Variants in ERC1 observed in about 807,000 individuals in gnomAD.
The protein encoded by ERC1 is ELKS/RAB6-interacting/CAST family member 1.
In ERC1, 56 loss-of-function variants were observed where a neutral mutation model predicts 132.0. The ratio of observed to expected loss-of-function variants is 0.42; its 90% CI spans 0.34 to 0.53. ERC1 has a LOEUF of 0.53. Ranked by LOEUF, ERC1 falls within the 20% of genes least tolerant of loss-of-function variation. The pLI, the probability that ERC1 is intolerant of heterozygous loss-of-function variation, is 0.03. For synonymous variants in ERC1, 478 were observed against 476.1 expected (o/e 1.00, Z -0.05); for missense variants, 1,202 against 1,349.9 (o/e 0.89, Z 1.72).
rs147193655 is a variant in ERC1 at position 1,215,871 on chromosome 12, G to T, written c.2352-20898G>T. Among the ~76,000 whole-genome samples the T allele has an allele frequency of 3.4e-4, 52 of 150,836 alleles. No homozygotes were observed. In the East Asian group the frequency reaches 9.5e-3, roughly 27 times the overall value. ...CTTTAGTGCTAATTAAGGGAATATG[G>T]ATTTTATTACGTAATTAGTGTGAAT... is the stretch of plus-strand genomic sequence containing the variant. On this transcript the variant is annotated intron_variant, in intron 12 of 18. Coordinates refer to ENST00000360905, the MANE Select transcript of ERC1 (RefSeq NM_178040.4).
chr12:1,260,744 A>G (rs2077090943), intron 13 of ERC1, among the ~76,000 whole-genome samples: 1 of 152,202 alleles, frequency 6.6e-6, no homozygotes, highest in East Asian at 1.9e-4. Flanking sequence ...TTTCTCTTGT[A>G]TTTTACTATC....
chr12:1,015,218 C>T (rs1401202936), intron 1 of ERC1, among the ~76,000 whole-genome samples: 1 of 151,846 alleles, frequency 6.6e-6, no homozygotes, highest in Non-Finnish European at 1.5e-5. Context: ...CACCACCTTG[C>T]CCAGGTAAGT....
chr12:1,454,128 A>G (rs905608924), intron 18 of ERC1, among the ~76,000 whole-genome samples: 1 of 152,090 alleles, frequency 6.6e-6, no homozygotes, highest in Non-Finnish European at 1.5e-5. Context: ...AATCATGCCT[A>G]CTTAATGAAT....
intron 17 of ERC1, among the ~76,000 whole-genome samples, chr12:1,422,344 T>C (rs1406939434): frequency 2.0e-5 from 3 of 152,176 alleles, no homozygotes; most frequent in Non-Finnish European, 4.4e-5. Flanking sequence ...CCCCTGGCTT[T>C]CCCCTTCCCC....
At chr12:1,448,298 C>T (rs1360664410) in intron 18 of ERC1, among the ~76,000 whole-genome samples, 3 of 152,202 alleles carry the variant, frequency 2.0e-5, no homozygotes, top group East Asian at 3.8e-4. Flanking sequence ...ACAGTCCCTG[C>T]GAAACGAGAG....
At chr12:1,210,176 A>T (rs987503165) in intron 12 of ERC1, among the ~76,000 whole-genome samples, 2 of 152,220 alleles carry the variant, frequency 1.3e-5, no homozygotes, top group Admixed American at 1.3e-4. Flanking sequence ...GGTATGGCTT[A>T]TGCTTTCACA....
chr12:1,437,330 A>G (rs141084729), intron 17 of ERC1, among the ~76,000 whole-genome samples: 107 of 152,172 alleles, frequency 7.0e-4, no homozygotes, highest in African/African-American at 1.2e-3. Context: ...CCCCATTTCT[A>G]TGTGCTGTCC....
intron 1 of ERC1, among the ~76,000 whole-genome samples, chr12:1,003,117 CTCA>C (rs1324278262): frequency 1.4e-4 from 11 of 81,300 alleles, no homozygotes; most frequent in Non-Finnish European, 2.7e-4. Context: ...AAAAAAAAGA[CTCA>C]AAAAAAAAAA....
At position 1,239,449 on chromosome 12, in the gene ERC1, C is replaced by T. The variant is rs574099123; in HGVS notation, c.2487+2545C>T. Among the ~76,000 whole-genome samples the T allele has an allele frequency of 6.6e-5, 10 of 152,224 alleles. No individual in the cohort carries two copies. In the South Asian group the frequency reaches 1.7e-3, roughly 25 times the overall value. ...CAACAACATAATGAAGAAATACAGC[C>T]GGCCATCGTGGCTTATGCTAATCCT... On this transcript the variant is annotated intron_variant, in intron 13 of 18. Transcript: ENST00000360905.
intron 2 of ERC1, among the ~76,000 whole-genome samples, chr12:1,034,488 T>TTCTTTTTAAAGGC (rs1968686813): frequency 6.6e-6 from 1 of 152,152 alleles, no homozygotes; most frequent in Non-Finnish European, 1.5e-5. Flanking sequence ...GAATAAACAC[T>TTCTTTTTAAAGGC]TCTTTTTAAA....
intron 13 of ERC1, among the ~76,000 whole-genome samples, chr12:1,261,726 A>C (rs1277854383): frequency 6.6e-6 from 1 of 152,028 alleles, no homozygotes; most frequent in Admixed American, 6.6e-5. Context: ...ATAAAACAGA[A>C]CCTCACTTAT....
intron 16 of ERC1, among the ~76,000 whole-genome samples, chr12:1,381,428 G>A (rs1222359074): frequency 2.0e-5 from 3 of 151,918 alleles, no homozygotes; most frequent in African/African-American, 7.3e-5. Context: ...ATAGCTCCTG[G>A]CCTCAAGCCA....
chr12:1,210,343 G>C (rs1193528936), intron 12 of ERC1, among the ~76,000 whole-genome samples: 1 of 152,188 alleles, frequency 6.6e-6, no homozygotes, highest in Non-Finnish European at 1.5e-5. Flanking sequence ...TTGTGTGTAC[G>C]TCAGGATTGC....
At chr12:1,271,106 T>TA (rs1211175890) in intron 14 of ERC1, among the ~76,000 whole-genome samples, 2 of 152,082 alleles carry the variant, frequency 1.3e-5, no homozygotes, top group Admixed American at 1.3e-4. Context: ...TATATCAAGT[T>TA]AAAATCATTC....
intron 15 of ERC1, among the ~76,000 whole-genome samples, chr12:1,297,659 A>T (rs1178292604): frequency 6.7e-6 from 1 of 149,742 alleles, no homozygotes; most frequent in Non-Finnish European, 1.5e-5. Context: ...GTAAGCCAAG[A>T]TCACACCACT....
intron 8 of ERC1, among the ~76,000 whole-genome samples, chr12:1,146,983 A>G (rs1283902642): frequency 1.3e-5 from 2 of 152,172 alleles, no homozygotes; most frequent in Non-Finnish European, 2.9e-5. Flanking sequence ...ATAGTATTCC[A>G]TGGTGTATAT....
At chr12:1,254,952 T>C (rs1011744177) in intron 13 of ERC1, among the ~76,000 whole-genome samples, 3 of 152,132 alleles carry the variant, frequency 2.0e-5, no homozygotes, top group Non-Finnish European at 2.9e-5. Flanking sequence ...ACTTTTTTTT[T>C]TTTTTTAATA....
intron 12 of ERC1, among the ~76,000 whole-genome samples, chr12:1,231,443 GATTT>G (rs1340150711): frequency 6.6e-6 from 1 of 152,086 alleles, no homozygotes; most frequent in East Asian, 1.9e-4. Flanking sequence ...AGTTAAAATT[GATTT>G]ATGTACCACG....
rs746850937 is a variant in ERC1, at chr12:1,490,806, C to T, written c.*576C>T. On this transcript the variant is annotated 3_prime_UTR_variant, in exon 19 of 19. Transcript: ENST00000360905. ...ACTTTCCACATGAGATGCTTTGTAC[C>T]GGGGAGCTGTGAGCAGGCCTCACGA... is the stretch of plus-strand genomic sequence containing the variant. 4 of 233,374 alleles carry T rather than the reference C, an allele frequency of 1.7e-5. No individual in the cohort carries two copies. Among genetic ancestry groups the T allele is most frequent in the Non-Finnish European group, 3.4e-5 (4 of 118,282 alleles). 14.5% of individuals were successfully genotyped at this position (233,374 alleles called of 1,614,324 possible).
Sources: gnomAD v4.1 joint callset for allele counts (sites outside exome capture counted in the v4.1 genomes callset) on GRCh38, gnomAD v4.1.1 for gene constraint, MANE v1.5 for transcripts, NCBI Gene and HGNC (gene_info 2026-07-23, HGNC 2026-07-21) for gene names.